Variants in CADM1 observed in about 807,000 individuals in gnomAD.
The protein encoded by CADM1 is TSLC-1.
CADM1 carries 15 observed loss-of-function variants against 53.1 expected under a neutral mutation model. The ratio of observed to expected loss-of-function variants is 0.28; its 90% CI spans 0.19 to 0.44. The LOEUF (loss-of-function observed/expected upper bound fraction) is 0.44. Ranked by LOEUF, CADM1 falls within the 20% of genes least tolerant of loss-of-function variation. CADM1 has a pLI of 1.00. For synonymous variants in CADM1, 281 were observed against 243.0 expected (o/e 1.16, Z -1.45); for missense variants, 434 against 611.3 (o/e 0.71, Z 3.06).
intron 1 of CADM1, among the ~76,000 whole-genome samples, chr11:115,388,896 T>C (rs1223996115): frequency 3.3e-5 from 5 of 152,102 alleles, no homozygotes; most frequent in Admixed American, 6.6e-5. Context: ...TATCATTAGA[T>C]CAACTGACCA....
At chr11:115,479,027 T>C (rs1949200148) in intron 1 of CADM1, among the ~76,000 whole-genome samples, 1 of 152,154 alleles carries the variant, frequency 6.6e-6, no homozygotes, top group South Asian at 2.1e-4. Flanking sequence ...ACTATGTCTG[T>C]AGACTGAAGT....
intron 5 of CADM1, among the ~76,000 whole-genome samples, chr11:115,221,591 C>T (rs1941407458): frequency 6.6e-6 from 1 of 152,172 alleles, no homozygotes; most frequent in Non-Finnish European, 1.5e-5. Flanking sequence ...TGATTTCATG[C>T]CAGTCTGACC....
intron 1 of CADM1, among the ~76,000 whole-genome samples, chr11:115,371,638 A>AT (rs11396249): frequency 0.34 from 46,143 of 135,390 alleles, 8,854 homozygotes; most frequent in Non-Finnish European, 0.44. Flanking sequence ...GTCAGACTGG[A>AT]TTTTTTTTTT....
At chr11:115,382,055 G>T (rs945653372) in intron 1 of CADM1, among the ~76,000 whole-genome samples, 3 of 152,106 alleles carry the variant, frequency 2.0e-5, no homozygotes, top group African/African-American at 7.2e-5. Flanking sequence ...ATGGTGGCCA[G>T]GCTGGTCTCA....
intron 1 of CADM1, among the ~76,000 whole-genome samples, chr11:115,395,874 A>T (rs1190548332): frequency 6.6e-6 from 1 of 152,236 alleles, no homozygotes; most frequent in Non-Finnish European, 1.5e-5. Context: ...GTTGCTACAT[A>T]GCATTTTATT....
intron 1 of CADM1, chr11:115,399,580 C>G (rs1947085047): frequency 6.6e-6 from 1 of 152,110 alleles, no homozygotes; most frequent in Non-Finnish European, 1.5e-5. Flanking sequence ...GAAACTTTAC[C>G]TACTAATATA....
At chr11:115,334,963 A>T (rs1467815025) in intron 1 of CADM1, among the ~76,000 whole-genome samples, 2 of 152,174 alleles carry the variant, frequency 1.3e-5, no homozygotes, top group African/African-American at 2.4e-5. Context: ...ATATTTTAAG[A>T]CATAGCCCTT....
chr11:115,207,141 A>G (rs1011800012), intron 8 of CADM1, among the ~76,000 whole-genome samples: 7 of 152,160 alleles, frequency 4.6e-5, no homozygotes, highest in Non-Finnish European at 7.3e-5. Flanking sequence ...AAGGCAACGA[A>G]TTCTACAATG....
At chr11:115,311,204 G>T (rs1250766883) in intron 1 of CADM1, among the ~76,000 whole-genome samples, 1 of 152,012 alleles carries the variant, frequency 6.6e-6, no homozygotes, top group Non-Finnish European at 1.5e-5. Flanking sequence ...GTAAAATCAA[G>T]TAAAACAACA....
chr11:115,229,138 C>A lies in CADM1; in HGVS notation c.696G>T (p.Gln232His), dbSNP rs1396258972. The change falls in exon 5 of 12, where the codon CAG becomes CAT. Residue 232 changes from glutamine to histidine, a missense_variant. Coordinates refer to ENST00000331581, the MANE Select transcript of CADM1 (RefSeq NM_001301043.2). The stretch of plus-strand genomic sequence containing the variant: ...ACTGTACTTCTAGATACCGCTGGGT[C>A]TGCAGGTTTCCAGTGACCGCAGGGT... ...VEHPAVTGNL[Q>H]TQRYLEVQYK... 5 of 1,613,932 alleles carry A rather than the reference C, an allele frequency of 3.1e-6. No individual in the cohort carries two copies. The highest frequency in any genetic ancestry group is 2.7e-5 in the African/African-American group (2 of 74,930).
At chr11:115,204,759 G>T (rs116471387) in intron 8 of CADM1, among the ~76,000 whole-genome samples, 1 of 152,162 alleles carries the variant, frequency 6.6e-6, no homozygotes, top group Non-Finnish European at 1.5e-5. Context: ...GAAGGATAAA[G>T]GCTATACCCA....
chr11:115,459,286 G>A (rs995241065), intron 1 of CADM1, among the ~76,000 whole-genome samples: 3 of 152,072 alleles, frequency 2.0e-5, no homozygotes, highest in Non-Finnish European at 4.4e-5. Context: ...TATTACGTGT[G>A]TTCTCCCCAC....
intron 1 of CADM1, among the ~76,000 whole-genome samples, chr11:115,488,412 T>C (rs1373091820): frequency 6.6e-6 from 1 of 152,208 alleles, no homozygotes; most frequent in Non-Finnish European, 1.5e-5. Flanking sequence ...GTTAGAGTTA[T>C]TGAGTAGGCA....
At chr11:115,319,897 C>T (rs1281038911) in intron 1 of CADM1, among the ~76,000 whole-genome samples, 1 of 152,120 alleles carries the variant, frequency 6.6e-6, no homozygotes, top group Non-Finnish European at 1.5e-5. Context: ...CCTAACAACC[C>T]TAAAATTATC....
intron 9 of CADM1, chr11:115,193,968 C>G (rs1940023418): frequency 6.6e-6 from 1 of 152,162 alleles, no homozygotes; most frequent in Admixed American, 6.5e-5. Context: ...GCTTTGTCAG[C>G]TTTTGTGGAG....
intron 1 of CADM1, among the ~76,000 whole-genome samples, chr11:115,494,692 T>G (rs1050665004): frequency 2.6e-5 from 4 of 152,156 alleles, no homozygotes; most frequent in African/African-American, 9.6e-5. Flanking sequence ...CTTACAAAAG[T>G]TATTATTATT....
At chr11:115,392,718 A>G in intron 1 of CADM1, among the ~76,000 whole-genome samples, 1 of 152,170 alleles carries the variant, frequency 6.6e-6, no homozygotes, top group East Asian at 1.9e-4. Context: ...GGTCATTTCC[A>G]GCCAGGAGGA....
intron 1 of CADM1, among the ~76,000 whole-genome samples, chr11:115,469,669 CTTTT>C (rs554156174): frequency 1.0e-5 from 1 of 100,474 alleles, no homozygotes; most frequent in Non-Finnish European, 1.8e-5. Context: ...AACTTCTGGG[CTTTT>C]TTTTTTTTTT....
chr11:115,259,719 A>G (rs1349041443), intron 1 of CADM1, among the ~76,000 whole-genome samples: 1 of 152,100 alleles, frequency 6.6e-6, no homozygotes, highest in African/African-American at 2.4e-5. Context: ...ATAGCCCAAG[A>G]GGAGCTAAAG....
Sources: gnomAD v4.1 joint callset for allele counts (sites outside exome capture counted in the v4.1 genomes callset) on GRCh38, gnomAD v4.1.1 for gene constraint, MANE v1.5 for transcripts, NCBI Gene and HGNC (gene_info 2026-07-23, HGNC 2026-07-21) for gene names.